DNMT3A: variants seen among roughly 807,000 people sequenced by gnomAD.
DNMT3A encodes DNA methyltransferase 3 alpha.
A neutral mutation model predicts 117.6 loss-of-function variants in DNMT3A; 267 were observed. The ratio of observed to expected loss-of-function variants is 2.27; its 90% CI spans 2.05 to 2.51. The LOEUF (loss-of-function observed/expected upper bound fraction) is 2.51, where lower values mean the gene tolerates loss of function less well. DNMT3A is among the 30% of genes most tolerant of loss of function. DNMT3A has a pLI of 0.00. For missense variants in DNMT3A, 1,029 were observed against 1,260.2 expected (o/e 0.82, Z 2.78); for synonymous variants, 432 against 474.8 (o/e 0.91, Z 1.17).
At chr2:25,309,369 G>T (rs1463809811) in intron 2 of DNMT3A, among the ~76,000 whole-genome samples, 1 of 152,258 alleles carries the variant, frequency 6.6e-6, no homozygotes, top group Non-Finnish European at 1.5e-5. Context: ...GTAAGAAGCT[G>T]CATGTCTGCA....
intron 4 of DNMT3A, among the ~76,000 whole-genome samples, chr2:25,280,575 T>C (rs2031818526): frequency 6.6e-6 from 1 of 150,818 alleles, no homozygotes; most frequent in African/African-American, 2.5e-5. Flanking sequence ...TTCGTTGCAG[T>C]TCCCCTGGAC....
chr2:25,253,526 G>A (rs539406525), intron 6 of DNMT3A, among the ~76,000 whole-genome samples: 3 of 152,246 alleles, frequency 2.0e-5, no homozygotes, highest in African/African-American at 7.2e-5. Flanking sequence ...CCGGGCTGGG[G>A]AGGGAGGAGA....
At chr2:25,336,191 G>A (rs1328236854) in intron 1 of DNMT3A, among the ~76,000 whole-genome samples, 2 of 152,222 alleles carry the variant, frequency 1.3e-5, no homozygotes, top group Non-Finnish European at 2.9e-5. Flanking sequence ...TGGGCCGTCT[G>A]CAGGGCACCT....
chr2:25,287,734 C>G, intron 3 of DNMT3A, among the ~76,000 whole-genome samples: 1 of 151,238 alleles, frequency 6.6e-6, no homozygotes, highest in African/African-American at 2.4e-5. Flanking sequence ...AGGACACCCC[C>G]GCCCCCAACA....
chr2:25,265,467 G>GGCC, intron 6 of DNMT3A, among the ~76,000 whole-genome samples: 1 of 152,302 alleles, frequency 6.6e-6, no homozygotes, highest in South Asian at 2.1e-4. Context: ...ATACCCATGT[G>GGCC]GCCGCAACCT....
chr2:25,275,362 C>T (rs1451452274), intron 5 of DNMT3A, 138 bp downstream of exon 5: 1 of 1,318,272 alleles, frequency 7.6e-7, no homozygotes, highest in African/African-American at 1.5e-5. Context: ...AACCTCCACG[C>T]CCACTTCCTC....
Position 25,240,317 on chromosome 2 carries a change from G to A in DNMT3A, c.2307C>T (p.Ile769=), listed in dbSNP as rs1673831585. 6.2e-7 allele frequency: 1 copy of A among 1,614,224 alleles called. No homozygotes were observed. Residue 769 remains isoleucine (I), a synonymous_variant, in exon 19 of 23, where the codon ATC becomes ATT. Coordinates refer to ENST00000321117, the MANE Select transcript of DNMT3A (RefSeq NM_022552.5). The part of the protein sequence containing the change: ...VAMGVSDKRD[I]SRFLESNPVM... ...CTGGCTATACCTCGAGAAATCGCGA[G>A]ATGTCCCTCTTGTCACTAACGCCCA...
rs2035233743 is a variant in DNMT3A at position 25,336,800 on chromosome 2, C to T, written c.-178+5026G>A. ...CAGGCCCCAGTCCACCTCCCGGGCACTACAGCCACCCACAATGATGTCCTG... is the reference window on the plus strand; with the variant it reads ...CAGGCCCCAGTCCACCTCCCGGGCATTACAGCCACCCACAATGATGTCCTG... On this transcript the variant is annotated intron_variant, in intron 1 of 22. Transcript: ENST00000321117. Among the ~76,000 whole-genome samples the T allele has an allele frequency of 2.6e-5, 4 of 152,178 alleles. No homozygotes were observed. The South Asian group carries it at 8.3e-4, about 32-fold the overall frequency.
rs1414588906 is a variant in DNMT3A at position 25,261,364 on chromosome 2, G to A, written c.640-13112C>T. On this transcript the variant is annotated intron_variant, in intron 6 of 22. Transcript: ENST00000321117. ...TGAGGCAGGAGAATCACTTGAACCC[G>A]GGAGGCAGAGGTTGCAGTGAGCCAA... Among the ~76,000 whole-genome samples the A allele has an allele frequency of 6.0e-5, 9 of 150,698 alleles. No individual in the cohort carries two copies. In the East Asian group the frequency reaches 7.9e-4, roughly 13 times the overall value.
At chr2:25,258,013 T>A (rs946764550) in intron 6 of DNMT3A, among the ~76,000 whole-genome samples, 9 of 152,192 alleles carry the variant, frequency 5.9e-5, no homozygotes, top group Non-Finnish European at 1.0e-4. Flanking sequence ...AGGTGAGCCC[T>A]CCTCTGGGCC....
chr2:25,309,376 TGCAGCA>T (rs1423511019), intron 2 of DNMT3A, among the ~76,000 whole-genome samples: 1 of 152,230 alleles, frequency 6.6e-6, no homozygotes, highest in Non-Finnish European at 1.5e-5. Flanking sequence ...GCTGCATGTC[TGCAGCA>T]GTGCCTCCAT....
chr2:25,245,189 C>G (rs1674593930), intron 13 of DNMT3A, 64 bp downstream of exon 13: 2 of 1,505,104 alleles, frequency 1.3e-6, no homozygotes, highest in East Asian at 2.3e-5. Flanking sequence ...GCGGTGGACA[C>G]AGTCAGCCAG....
At chr2:25,307,551 C>T (rs2033851579) in intron 2 of DNMT3A, among the ~76,000 whole-genome samples, 1 of 151,260 alleles carries the variant, frequency 6.6e-6, no homozygotes, top group Non-Finnish European at 1.5e-5. Flanking sequence ...CTGCAACCTC[C>T]ACCTACCAGG....
At chr2:25,251,871 C>T (rs1675606578) in intron 6 of DNMT3A, 2 of 424,822 alleles carry the variant, frequency 4.7e-6, no homozygotes, top group Non-Finnish European at 4.2e-6. Flanking sequence ...TCCAACCCAA[C>T]TCCTGGGCCA....
At chr2:25,244,416 A>T in intron 14 of DNMT3A, 78 bp from the exon 15 acceptor site, 1 of 1,567,716 alleles carries the variant, frequency 6.4e-7, no homozygotes, top group Non-Finnish European at 8.7e-7. Flanking sequence ...TGGAATGGAA[A>T]GACCGGGTCT....
Position 25,234,121 on chromosome 2 carries a change from G to A in DNMT3A, c.*158C>T, listed in dbSNP as rs531489975. On this transcript the variant is annotated 3_prime_UTR_variant, in exon 23 of 23. Transcript: ENST00000321117. This position sits in a 1 kb window ranked among gnomAD's most constrained non-coding sequence, Gnocchi z 4.5. ...CCCTTTTCGCAAGGCAAAGCCCTCC[G>A]GTATTTCCGCCTCTGTGGTTTTTGT... 22 of 1,164,960 alleles carry A rather than the reference G, an allele frequency of 1.9e-5. 1 individual carries two copies. The highest frequency in any genetic ancestry group is 1.6e-4 in the Admixed American group (5 of 30,584). 72.2% of individuals were successfully genotyped at this position (1,164,960 alleles called of 1,614,324 possible). A position where few individuals can be genotyped will look rare whatever the true frequency, so the allele number is the denominator to read the frequency against.
chr2:25,242,166 G>GC (rs1184456450), intron 16 of DNMT3A, among the ~76,000 whole-genome samples: 1 of 151,158 alleles, frequency 6.6e-6, no homozygotes, highest in East Asian at 1.9e-4. Context: ...TGGAATCACC[G>GC]CCCCCTCCGC....
At chr2:25,250,908 G>C (rs568851256) in intron 6 of DNMT3A, among the ~76,000 whole-genome samples, 2 of 152,298 alleles carry the variant, frequency 1.3e-5, no homozygotes, top group East Asian at 3.9e-4. Flanking sequence ...CCAGGTCTAG[G>C]AGTCGTGCCT....
At chr2:25,328,850 G>A in intron 1 of DNMT3A, 1 of 396,628 alleles carries the variant, frequency 2.5e-6, no homozygotes, top group Non-Finnish European at 5.4e-6. Context: ...GATCCCCAAG[G>A]TGAAGGGGTT....
Sources: gnomAD v4.1 joint callset for allele counts (sites outside exome capture counted in the v4.1 genomes callset) on GRCh38, gnomAD v4.1.1 for gene constraint, Gnocchi (gnomAD v3.1) non-coding constraint, MANE v1.5 for transcripts, NCBI Gene and HGNC (gene_info 2026-07-23, HGNC 2026-07-21) for gene names.